The following ITPR3 variants were observed in gnomAD, a reference collection of about 807,000 sequenced individuals.
ITPR3 encodes inositol 1,4,5-trisphosphate-gated calcium channel ITPR3.
Under a neutral mutation model 293.2 loss-of-function variants are expected in ITPR3, and 173 were observed. The ratio of observed to expected loss-of-function variants is 0.59; its 90% CI spans 0.52 to 0.67. ITPR3 has a LOEUF of 0.67. Ranked by LOEUF, ITPR3 falls within the 30% of genes least tolerant of loss-of-function variation. The probability of loss-of-function intolerance (pLI) is 0.00; values close to 1 mark genes in which losing one functional copy is unlikely to be tolerated. For missense variants in ITPR3, 2,796 were observed against 3,592.1 expected (o/e 0.78, Z 5.66); for synonymous variants, 1,295 against 1,444.4 (o/e 0.90, Z 2.35).
intron 56 of ITPR3, 119 bp downstream of exon 56, chr6:33,693,824 G>A: frequency 8.3e-7 from 1 of 1,207,122 alleles, no homozygotes; most frequent in Non-Finnish European, 1.2e-6. Flanking sequence ...GAGAGGAGTG[G>A]CCCTATCTGA....
In ITPR3 at chr6:33,676,934, T is replaced by A. The variant is rs1218399643; in HGVS notation, c.3447+2T>A. 6.2e-7 allele frequency: 1 copy of A among 1,613,466 alleles called. No homozygotes were observed. Among genetic ancestry groups the A allele is most frequent in the Non-Finnish European group, 8.5e-7 (1 of 1,179,774 alleles). ...GGCGCCGCCAAGGACAAGAAAGAGG[T>A]AAGTGGGGCTCCAGGGGGCCAGGGC... is the stretch of plus-strand genomic sequence containing the variant. On this transcript the variant is annotated splice_donor_variant, in intron 26 of 57. Coordinates refer to ENST00000605930, the MANE Select transcript of ITPR3 (RefSeq NM_002224.4). LOFTEE classifies it high-confidence loss of function.
chr6:33,656,295 C>T (rs1179782570), intron 3 of ITPR3, among the ~76,000 whole-genome samples: 1 of 152,138 alleles, frequency 6.6e-6, no homozygotes, highest in African/African-American at 2.4e-5. Context: ...CCCCTTCCTC[C>T]AGGCTGGCAC....
chr6:33,665,196 CA>C lies in ITPR3; in HGVS notation c.1393del (p.Ser465AlafsTer44). 1 of 1,613,956 alleles carries C rather than the reference CA, an allele frequency of 6.2e-7. No homozygotes were observed. The highest frequency in any genetic ancestry group is 1.3e-5 in the African/African-American group (1 of 75,076). ...TGGAGAAACTCAACGAGGGCTTCAT[CA>C]GCCAGAATGACCGCAGGTGGGCTGC... is the stretch of plus-strand genomic sequence containing the variant. ...AVEKLNEGFISQNDRRFVIQL... is the reference protein window; with the variant it reads ...AVEKLNEGFIXQNDRRFVIQL... On this transcript the variant is annotated frameshift_variant, in exon 13 of 58. Coordinates refer to ENST00000605930, the MANE Select transcript of ITPR3 (RefSeq NM_002224.4). LOFTEE classifies it high-confidence loss of function.
chr6:33,662,517 G>A lies in ITPR3; in HGVS notation c.712-11G>A, dbSNP rs1344713904. 1 of 1,574,786 alleles carries A rather than the reference G, an allele frequency of 6.4e-7. No individual in the cohort carries two copies. Among genetic ancestry groups the A allele is most frequent in the Non-Finnish European group, 8.6e-7 (1 of 1,163,388 alleles). ...CCGCAGCCATCCTGAGCCACACCCT[G>A]CTGCCTGCAGGGAGACGTGGTGCGG... On this transcript the variant is annotated splice_polypyrimidine_tract_variant and intron_variant, in intron 7 of 57. Coordinates refer to ENST00000605930, the MANE Select transcript of ITPR3 (RefSeq NM_002224.4).
chr6:33,695,672 G>A, intron 57 of ITPR3, 40 bp from the exon 58 acceptor site: 1 of 1,599,314 alleles, frequency 6.3e-7, no homozygotes, highest in East Asian at 2.2e-5. Flanking sequence ...GAAGGTGCCA[G>A]GCGGCCTGAC....
In ITPR3 at chr6:33,688,128, C is replaced by A. The variant is rs1032347008; in HGVS notation, c.6336C>A (p.Asp2112Glu). ...CGCCAGCACAGGAGGAGGAGGAAGA[C>A]CCCCTGGCCTACTATGAGAACCACA... Reference protein sequence around the residue: ...SSAPAQEEEEDPLAYYENHTS... With the variant: ...SSAPAQEEEEEPLAYYENHTS... Residue 2112 changes from aspartate (D) to glutamate (E), a missense_variant, in exon 47 of 58, where the codon GAC becomes GAA. This residue lies in a region of ITPR3 where 568 missense variants were observed against 796.1 expected (regional missense o/e 0.71). Coordinates refer to ENST00000605930, the MANE Select transcript of ITPR3 (RefSeq NM_002224.4). 1 of 1,614,130 alleles carries A rather than the reference C, an allele frequency of 6.2e-7. No homozygotes were observed.
chr6:33,696,189 T>C lies in ITPR3; in HGVS notation c.*409T>C, dbSNP rs2127329769. 1 of 215,564 alleles carries C rather than the reference T, an allele frequency of 4.6e-6. No individual in the cohort carries two copies. Among genetic ancestry groups the C allele is most frequent in the Non-Finnish European group, 9.5e-6 (1 of 105,486 alleles). 13.4% of individuals were successfully genotyped at this position (215,564 alleles called of 1,614,324 possible). A position where few individuals can be genotyped will look rare whatever the true frequency, so the allele number is the denominator to read the frequency against. Reference sequence around the variant, plus strand: ...CCTCTGGGGGAGGTGGCAGTTATGCTGTTACTAGTGATTTTAGGGCTTTGT... The same window carrying C: ...CCTCTGGGGGAGGTGGCAGTTATGCCGTTACTAGTGATTTTAGGGCTTTGT... On this transcript the variant is annotated 3_prime_UTR_variant, in exon 58 of 58. Coordinates refer to ENST00000605930, the MANE Select transcript of ITPR3 (RefSeq NM_002224.4).
At position 33,670,931 on chromosome 6, in the gene ITPR3, G is replaced by C; in HGVS notation, c.2586+116G>C. On this transcript the variant is annotated intron_variant, in intron 20 of 57. Transcript: ENST00000605930. This position sits in a 1 kb window ranked among gnomAD's most constrained non-coding sequence, Gnocchi z 6.7. ...GATCCATGACCCCACTTCCTTCTGT[G>C]TCCCCAGCCAGTGCAGGGGGACCGC... 3 of 1,407,016 alleles carry C rather than the reference G, an allele frequency of 2.1e-6. No homozygotes were observed. In the South Asian group the frequency reaches 3.9e-5, roughly 18 times the overall value. The allele number at this position is 1,407,016 out of a possible 1,614,324, so 87.2% of individuals were successfully genotyped here.
chr6:33,696,086 C>T lies in ITPR3; in HGVS notation c.*306C>T. The stretch of plus-strand genomic sequence containing the variant: ...TTCCTTAAAGCAATAACTGACAACT[C>T]TTTGTAGTCCTCCTTGTGGGTAGTT... On this transcript the variant is annotated 3_prime_UTR_variant, in exon 58 of 58. Transcript: ENST00000605930. 1 of 361,942 alleles carries T rather than the reference C, an allele frequency of 2.8e-6. No homozygotes were observed. Among genetic ancestry groups the T allele is most frequent in the Non-Finnish European group, 5.1e-6 (1 of 196,734 alleles). 22.4% of individuals were successfully genotyped at this position (361,942 alleles called of 1,614,324 possible). A position where few individuals can be genotyped will look rare whatever the true frequency, so the allele number is the denominator to read the frequency against.
intron 50 of ITPR3, 65 bp downstream of exon 50, chr6:33,689,475 G>A: frequency 6.4e-7 from 1 of 1,554,034 alleles, no homozygotes; most frequent in Non-Finnish European, 8.7e-7. Context: ...CAGACGGCAA[G>A]CTGGCCTGCT....
intron 1 of ITPR3, among the ~76,000 whole-genome samples, chr6:33,623,261 C>T (rs997535065): frequency 2.6e-5 from 4 of 151,592 alleles, no homozygotes; most frequent in Admixed American, 2.6e-4. Context: ...GAAATGACCA[C>T]CTCTGTTGCT....
At position 33,665,825 on chromosome 6, in the gene ITPR3, C is replaced by A; in HGVS notation, c.1410-10C>A. On this transcript the variant is annotated splice_polypyrimidine_tract_variant and intron_variant, in intron 13 of 57. Coordinates refer to ENST00000605930, the MANE Select transcript of ITPR3 (RefSeq NM_002224.4). Reference sequence around the variant, plus strand: ...TCTCACACTCGTCATCCCCGGGTCCCCTCACCCAGGTTTGTCATCCAGCTG... The same window carrying A: ...TCTCACACTCGTCATCCCCGGGTCCACTCACCCAGGTTTGTCATCCAGCTG... The A allele has an allele frequency of 6.2e-7, 1 of 1,613,766 alleles. No homozygotes were observed.
intron 24 of ITPR3, among the ~76,000 whole-genome samples, chr6:33,674,649 G>A (rs917400891): frequency 6.6e-6 from 1 of 152,248 alleles, no homozygotes; most frequent in Non-Finnish European, 1.5e-5. Flanking sequence ...GGGGCTTTTA[G>A]CATCTTGGGG....
In ITPR3 at chr6:33,691,618, G is replaced by C; in HGVS notation, c.7229G>C (p.Ser2410Thr). Residue 2410 changes from serine to threonine, a missense_variant, in exon 53 of 58, where the codon AGC becomes ACC. Physicochemically the swap from Ser to Thr is moderately conservative, Grantham distance 58 (BLOSUM62 1). This residue lies in a region of ITPR3 where 568 missense variants were observed against 796.1 expected (regional missense o/e 0.71). Transcript: ENST00000605930. The surrounding 1 kb of genome is among the most constrained non-coding windows in gnomAD (Gnocchi z 4.9). ...ATCTCATCCATATCCCCTCCAGCCA[G>C]CCCCCTGGGGATGCCACATGGAGCT... The part of the protein sequence containing the change: ...DRLPNNHSTA[S>T]PLGMPHGAAA... 1 of 1,613,836 alleles carries C rather than the reference G, an allele frequency of 6.2e-7. No individual in the cohort carries two copies. The highest frequency in any genetic ancestry group is 8.5e-7 in the Non-Finnish European group (1 of 1,179,808).
Position 33,693,671 on chromosome 6 carries a change from C to G in ITPR3, c.7751C>G (p.Thr2584Arg). The stretch of plus-strand genomic sequence containing the variant: ...CGCGTGAAGAACAAGACCGACTACA[C>G]GGGCCCTGAGAGCTACGTGGCCCAG... ...LVRVKNKTDY[T>R]GPESYVAQMI... Residue 2584 changes from threonine (T) to arginine (R), a missense_variant, in exon 56 of 58, where the codon ACG (threonine) becomes AGG (arginine). By Grantham distance (71) the Thr-to-Arg change is moderately conservative. Around this residue, in one of 8 missense-constraint regions of ITPR3, gnomAD observed 568 missense variants for 796.1 expected, o/e 0.71. Transcript: ENST00000605930. 1 of 1,614,172 alleles carries G rather than the reference C, an allele frequency of 6.2e-7. No homozygotes were observed. The highest frequency in any genetic ancestry group is 8.5e-7 in the Non-Finnish European group (1 of 1,180,012).
intron 57 of ITPR3, chr6:33,695,428 C>G (rs1018284780): frequency 7.1e-6 from 4 of 566,682 alleles, no homozygotes; most frequent in Admixed American, 3.2e-5. Flanking sequence ...CCTAGACATC[C>G]TCTTCTGCAT....
At position 33,660,098 on chromosome 6, in the gene ITPR3, G is replaced by A. The variant is rs555173304; in HGVS notation, c.711+549G>A. On this transcript the variant is annotated intron_variant, in intron 7 of 57. Coordinates refer to ENST00000605930, the MANE Select transcript of ITPR3 (RefSeq NM_002224.4). Reference sequence around the variant, plus strand: ...CTGAGGGCAGAGGGAGCTGTCTGGGGCCACCAGAGAGACCATTCAAGAAAC... The same window carrying A: ...CTGAGGGCAGAGGGAGCTGTCTGGGACCACCAGAGAGACCATTCAAGAAAC... Among the ~76,000 whole-genome samples, 501 of 152,268 alleles carry A rather than the reference G, an allele frequency of 3.3e-3. 2 individuals carry two copies. The highest frequency in any genetic ancestry group is 0.01 in the Middle Eastern group (3 of 294).
Position 33,685,384 on chromosome 6 carries a change from G to T in ITPR3, c.5333G>T (p.Ser1778Ile). ...AAATCCTTCCACAACCTGATGATGA[G>T]TGACAAGAAGTCAGAGCGCTTCTTC... ...IQKSFHNLMM[S>I]DKKSERFFKV... Residue 1778 changes from serine to isoleucine, a missense_variant, in exon 40 of 58, where the codon AGT becomes ATT. This residue lies in a region of ITPR3 where 704 missense variants were observed against 797.5 expected (regional missense o/e 0.88). Transcript: ENST00000605930. 6.2e-7 allele frequency: 1 copy of T among 1,613,310 alleles called. No homozygotes were observed. The highest frequency in any genetic ancestry group is 1.1e-5 in the South Asian group (1 of 91,066).
intron 51 of ITPR3, 67 bp downstream of exon 51, chr6:33,690,265 T>C (rs1447224232): frequency 2.1e-6 from 3 of 1,449,180 alleles, no homozygotes; most frequent in Non-Finnish European, 2.9e-6. Context: ...CCATGAGTTG[T>C]TGGCAGTTCC....
Sources: gnomAD v4.1 joint callset for allele counts (sites outside exome capture counted in the v4.1 genomes callset) on GRCh38, gnomAD v4.1.1 for gene constraint, gnomAD v4.1.1 regional missense constraint, Gnocchi (gnomAD v3.1) non-coding constraint, MANE v1.5 for transcripts, NCBI Gene and HGNC (gene_info 2026-07-23, HGNC 2026-07-21) for gene names.